Variants in C3orf22 observed in about 807,000 individuals in gnomAD.
C3orf22 encodes the protein uncharacterized protein C3orf22.
A neutral mutation model predicts 10.8 loss-of-function variants in C3orf22; 7 were observed. The observed-to-expected ratio is 0.65, with a 90% confidence interval of 0.37 to 1.22. The LOEUF (loss-of-function observed/expected upper bound fraction) is 1.22. C3orf22 is among the 50% of genes most tolerant of loss of function. The pLI is 0.02. For synonymous variants in C3orf22, 79 were observed against 78.9 expected (o/e 1.00, Z 0.00); for missense variants, 173 against 177.0 (o/e 0.98, Z 0.13).
At chr3:126,529,276 C>T (rs1417962341) in exon 5 of C3orf22, 12 of 1,267,134 alleles carry the variant, frequency 9.5e-6, no homozygotes, top group Non-Finnish European at 1.2e-5. Flanking sequence ...GTGCGGGTGT[C>T]CTGTGTGCAG....
rs1936999599 is a variant in C3orf22 at position 126,542,760 on chromosome 3, C to G, written c.286+6777G>C. On this transcript the variant is annotated intron_variant and NMD_transcript_variant, in intron 4 of 5. Coordinates refer to the C3orf22 transcript ENST00000505070. ...CTTGGGGGCAGCCCATCTCAGGTGG[C>G]CCTGCACGCGTGTGCCTGCCTCGGC... The G allele has an allele frequency of 9.9e-6, 9 of 910,618 alleles. No homozygotes were observed. The Admixed American group carries it at 3.8e-4, about 38-fold the overall frequency. 56.4% of individuals were successfully genotyped at this position (910,618 alleles called of 1,614,324 possible).
intron 4 of C3orf22, among the ~76,000 whole-genome samples, chr3:126,540,041 CCACA>C (rs1936923043): frequency 6.8e-6 from 1 of 146,276 alleles, no homozygotes; most frequent in Admixed American, 6.9e-5. Context: ...ACACCACACA[CCACA>C]CAGAGACATC....
intron 4 of C3orf22, among the ~76,000 whole-genome samples, chr3:126,535,157 G>GA (rs1261737174): frequency 2.0e-4 from 28 of 139,498 alleles, no homozygotes; most frequent in East Asian, 6.9e-4. Flanking sequence ...TCCCCAGCCG[G>GA]GAGACAGACA....
chr3:126,552,399 C>A (rs1937213058), intron 2 of C3orf22, among the ~76,000 whole-genome samples: 1 of 152,222 alleles, frequency 6.6e-6, no homozygotes, highest in Admixed American at 6.5e-5. Context: ...CGGTGCAGAG[C>A]ACTTGAGCCC....
rs551202570 is a variant in C3orf22 at position 126,538,428 on chromosome 3, T to A, written c.287-9056A>T. Among the ~76,000 whole-genome samples, 5 of 152,326 alleles carry A rather than the reference T, an allele frequency of 3.3e-5. No homozygotes were observed. The East Asian group carries it at 9.7e-4, about 29-fold the overall frequency. ...CCTGGGAGTCATCTGGCTAATCCCC[T>A]GATATCGCCTCAGGCAGAGCCAGGC... On this transcript the variant is annotated intron_variant and NMD_transcript_variant, in intron 4 of 5. Coordinates refer to the C3orf22 transcript ENST00000505070.
intron 1 of C3orf22, among the ~76,000 whole-genome samples, chr3:126,556,833 T>TCACA (rs140314320): frequency 0.38 from 55,113 of 146,240 alleles, 10,836 homozygotes; most frequent in African/African-American, 0.52. Context: ...ACATACACAC[T>TCACA]CACACACAGA....
chr3:126,552,511 G>A (rs1937216842), intron 2 of C3orf22, among the ~76,000 whole-genome samples: 1 of 152,190 alleles, frequency 6.6e-6, no homozygotes, highest in Non-Finnish European at 1.5e-5. Context: ...GGGACAGAAT[G>A]GGGTGCAAGG....
At chr3:126,535,407 C>T (rs1475976198) in intron 4 of C3orf22, among the ~76,000 whole-genome samples, 1 of 148,856 alleles carries the variant, frequency 6.7e-6, no homozygotes, top group South Asian at 2.1e-4. Flanking sequence ...GACAGCATCC[C>T]TGTCCTCAAC....
rs535805313 is a variant in C3orf22, at chr3:126,552,101, G to A, written c.111C>T (p.Pro37=). ...CCCAGGGCTGCAGGGGCTCAGGGTC[G>A]GGCTCTGTCAGCCACGACAACCTGC... ...FPYRLSWLTE[P]DPEPLQPWEV... The change falls in exon 3 of 4, where the codon CCC becomes CCT. Residue 37 remains proline (P), a synonymous_variant. Transcript: ENST00000318225. 20 of 1,613,688 alleles carry A rather than the reference G, an allele frequency of 1.2e-5. No homozygotes were observed. Among genetic ancestry groups the A allele is most frequent in the East Asian group, 1.1e-4 (5 of 44,890 alleles).
intron 4 of C3orf22, among the ~76,000 whole-genome samples, chr3:126,544,454 A>G (rs1342251935): frequency 1.3e-5 from 2 of 152,258 alleles, no homozygotes; most frequent in East Asian, 3.9e-4. Context: ...GTTTAGAGAC[A>G]GGCTGAGGAG....
At chr3:126,541,201 C>T (rs909315447) in intron 4 of C3orf22, among the ~76,000 whole-genome samples, 3 of 152,152 alleles carry the variant, frequency 2.0e-5, no homozygotes, top group Non-Finnish European at 4.4e-5. Flanking sequence ...CTTCCTGTCC[C>T]AGCGCTGAGA....
intron 4 of C3orf22, among the ~76,000 whole-genome samples, chr3:126,541,236 G>A (rs545789773): frequency 1.1e-3 from 168 of 152,218 alleles, no homozygotes; most frequent in Non-Finnish European, 2.0e-3. Flanking sequence ...GGGAATAAAA[G>A]GAGTGAAGGT....
chr3:126,551,357 G>A (rs775289837), intron 3 of C3orf22, among the ~76,000 whole-genome samples: 4 of 152,196 alleles, frequency 2.6e-5, no homozygotes, highest in African/African-American at 4.8e-5. Flanking sequence ...GAAGCCCTTC[G>A]GTGCCACACA....
At chr3:126,544,997 C>T (rs1937042525), downstream of C3orf22, among the ~76,000 whole-genome samples, 3 of 152,234 alleles carry the variant, frequency 2.0e-5, no homozygotes, top group Admixed American at 2.0e-4. Flanking sequence ...CCTGCTGTGG[C>T]CTGTTTCCTC....
At chr3:126,547,347 CG>C (rs1937085838), downstream of C3orf22, among the ~76,000 whole-genome samples, 1 of 152,324 alleles carries the variant, frequency 6.6e-6, no homozygotes, top group East Asian at 1.9e-4. Context: ...GGCTTCCATG[CG>C]GTGCAGCTTC....
downstream of C3orf22, among the ~76,000 whole-genome samples, chr3:126,549,119 T>A (rs1003811043): frequency 1.3e-5 from 2 of 152,114 alleles, no homozygotes; most frequent in African/African-American, 4.8e-5. Flanking sequence ...ATTACTGATG[T>A]TGTAATACAG....
intron 3 of C3orf22, among the ~76,000 whole-genome samples, chr3:126,550,488 C>T (rs1211770452): frequency 1.3e-5 from 2 of 152,208 alleles, no homozygotes; most frequent in Admixed American, 6.5e-5. Context: ...CTCTGTCTCC[C>T]ACTCCTCCTT....
In C3orf22 at chr3:126,550,082, G is replaced by C; in HGVS notation, c.216-4C>G. The C allele has an allele frequency of 6.2e-7, 1 of 1,613,796 alleles. No homozygotes were observed. ...TGTAAAATCTGGAGCCCCGAGCCTA[G>C]AGAAGCCACACAGAGCCACGCCTGG... is the stretch of plus-strand genomic sequence containing the variant. On this transcript the variant is annotated splice_polypyrimidine_tract_variant and splice_region_variant and intron_variant, in intron 3 of 3. Transcript: ENST00000318225.
intron 4 of C3orf22, among the ~76,000 whole-genome samples, chr3:126,539,709 A>G (rs1936891058): frequency 1.1e-5 from 1 of 89,334 alleles, no homozygotes; most frequent in African/African-American, 4.6e-5. Flanking sequence ...CCACACACAT[A>G]TGCCACACAC....
Sources: gnomAD v4.1 joint callset for allele counts (sites outside exome capture counted in the v4.1 genomes callset) on GRCh38, gnomAD v4.1.1 for gene constraint, MANE v1.5 for transcripts, NCBI Gene and HGNC (gene_info 2026-07-23, HGNC 2026-07-21) for gene names.